Variants in MESD observed in about 807,000 individuals in gnomAD.
MESD encodes the protein mesoderm development LRP chaperone, also known as LRP chaperone MESD.
In MESD, 7 loss-of-function variants were observed where a neutral mutation model predicts 12.9. That is an observed-to-expected ratio of 0.54 (90% CI 0.31 to 1.02). The LOEUF (loss-of-function observed/expected upper bound fraction) is 1.02. Among genes scored for constraint, MESD ranks in the 50% least tolerant of loss-of-function variants. MESD has a pLI of 0.05. For synonymous variants in MESD, 126 were observed against 115.6 expected, an observed-to-expected ratio of 1.09 and a Z score of -0.58; for missense variants, 342 against 296.7, an observed-to-expected ratio of 1.15 and a Z score of -1.12.
chr15:80,979,377 C>A lies in MESD; in HGVS notation c.547G>T (p.Val183Leu). The change falls in exon 3 of 3, where the codon GTA becomes TTA. Residue 183 changes from valine (V) to leucine (L), a missense_variant. Coordinates refer to ENST00000261758, the MANE Select transcript of MESD (RefSeq NM_015154.3). ...FLVGQDRCAD[V>L]TLEGQVYPGK... ...GGGTACACCTGGCCCTCCAGAGTTA[C>A]ATCAGCACACCTGTCTTGACCGACC... 1 of 1,614,194 alleles carries A rather than the reference C, an allele frequency of 6.2e-7. No individual in the cohort carries two copies. Among genetic ancestry groups the A allele is most frequent in the Non-Finnish European group, 8.5e-7 (1 of 1,180,038 alleles).
intron 3 of MESD, among the ~76,000 whole-genome samples, chr15:80,965,368 G>C (rs1352067780): frequency 6.6e-6 from 1 of 152,220 alleles, no homozygotes; most frequent in Non-Finnish European, 1.5e-5. Flanking sequence ...GTGTAAATTA[G>C]TTCAACTATT....
At chr15:80,965,276 G>A (rs1030537564) in intron 3 of MESD, among the ~76,000 whole-genome samples, 1 of 152,218 alleles carries the variant, frequency 6.6e-6, no homozygotes, top group African/African-American at 2.4e-5. Context: ...ACACCAGTTA[G>A]AATGGCGATT....
chr15:80,987,527 C>T (rs572681350), intron 1 of MESD, among the ~76,000 whole-genome samples: 1 of 150,572 alleles, frequency 6.6e-6, no homozygotes, highest in East Asian at 2.0e-4. Context: ...CTCACCCTGT[C>T]GCCCAGGCTG....
chr15:80,983,454 G>A (rs1245772635), intron 1 of MESD, among the ~76,000 whole-genome samples: 1 of 152,064 alleles, frequency 6.6e-6, no homozygotes, highest in Non-Finnish European at 1.5e-5. Context: ...ACATATTGAG[G>A]GTAATGAGAG....
rs759545458 is a variant in MESD at position 80,982,026 on chromosome 15, G to T, written c.370C>A (p.Pro124Thr). 1.2e-6 allele frequency: 2 copies of T among 1,614,070 alleles called. No individual in the cohort carries two copies. Among genetic ancestry groups the T allele is most frequent in the Admixed American group, 3.3e-5 (2 of 60,014 alleles). The change falls in exon 2 of 3, where the codon CCT (proline) becomes ACT (threonine). Residue 124 changes from proline to threonine, a missense_variant. Coordinates refer to ENST00000261758, the MANE Select transcript of MESD (RefSeq NM_015154.3). ...ATTTCCTCTGTCTCCTTCTCAGTAG[G>T]GCTTCCTGATACAGTGACAAACATC... ...LMMFVTVSGS[P>T]TEKETEEITS... is the part of the protein sequence containing the mutation.
chr15:80,957,600 A>G (rs1263502721), intron 3 of MESD, among the ~76,000 whole-genome samples: 1 of 124,302 alleles, frequency 8.0e-6, no homozygotes, highest in East Asian at 2.2e-4. Context: ...CCACTGCAAA[A>G]CACACACACA....
chr15:80,953,309 A>T (rs1374896001), intron 3 of MESD, among the ~76,000 whole-genome samples: 2 of 152,166 alleles, frequency 1.3e-5, no homozygotes, highest in African/African-American at 4.8e-5. Context: ...AGGTGCATAG[A>T]AGAGGCATCC....
downstream of MESD, among the ~76,000 whole-genome samples, chr15:80,975,547 T>A (rs1226640922): frequency 1.3e-5 from 2 of 151,858 alleles, no homozygotes; most frequent in Non-Finnish European, 2.9e-5. Context: ...TAAACAATAA[T>A]CAGGGACACA....
chr15:80,986,273 G>A (rs930917968), intron 1 of MESD, among the ~76,000 whole-genome samples: 2 of 152,202 alleles, frequency 1.3e-5, no homozygotes, highest in African/African-American at 4.8e-5. Context: ...AAGTGGAGGG[G>A]AGATAGGGAG....
At chr15:80,966,430 C>T (rs1902176311) in intron 3 of MESD, among the ~76,000 whole-genome samples, 1 of 152,174 alleles carries the variant, frequency 6.6e-6, no homozygotes, top group African/African-American at 2.4e-5. Flanking sequence ...TAACAAACTA[C>T]TCATTTGCAG....
chr15:80,986,982 G>A (rs368999728), intron 1 of MESD, among the ~76,000 whole-genome samples: 91 of 152,298 alleles, frequency 6.0e-4, no homozygotes, highest in African/African-American at 2.0e-3. Context: ...GTTCAGAGAG[G>A]ATAAATGATT....
At chr15:80,961,278 A>G (rs1437832831) in intron 3 of MESD, among the ~76,000 whole-genome samples, 2 of 143,682 alleles carry the variant, frequency 1.4e-5, no homozygotes, top group Admixed American at 1.4e-4. Flanking sequence ...GAACAAAAAG[A>G]AAAAAAAAAA....
At chr15:80,974,061 T>TCC (rs111416993), downstream of MESD, among the ~76,000 whole-genome samples, 28 of 149,618 alleles carry the variant, frequency 1.9e-4, no homozygotes, top group African/African-American at 6.8e-4. Flanking sequence ...CAATTATGGT[T>TCC]CCCCCCCCCA....
chr15:80,954,426 G>C (rs1453587010), intron 3 of MESD, among the ~76,000 whole-genome samples: 1 of 152,204 alleles, frequency 6.6e-6, no homozygotes, highest in African/African-American at 2.4e-5. Context: ...CCCCATCCTA[G>C]CTGTTTTAGC....
downstream of MESD, among the ~76,000 whole-genome samples, chr15:80,973,914 C>A (rs1405481566): frequency 6.6e-6 from 1 of 152,194 alleles, no homozygotes; most frequent in African/African-American, 2.4e-5. Flanking sequence ...GACCTTTCTT[C>A]TCCGGAGATC....
chr15:80,966,007 C>T (rs966337322), intron 3 of MESD, among the ~76,000 whole-genome samples: 3 of 152,040 alleles, frequency 2.0e-5, no homozygotes, highest in Non-Finnish European at 4.4e-5. Flanking sequence ...ATAGCCTCCT[C>T]CCCAAAATAA....
intron 1 of MESD, among the ~76,000 whole-genome samples, chr15:80,984,914 C>T (rs1049123301): frequency 2.6e-5 from 4 of 152,178 alleles, no homozygotes; most frequent in African/African-American, 7.2e-5. Flanking sequence ...CTACGCAGTG[C>T]TTGAAGGTGA....
At chr15:80,949,072 A>G (rs1901699333) in intron 4 of MESD, 10 of 1,074,836 alleles carry the variant, frequency 9.3e-6, no homozygotes, top group Non-Finnish European at 1.3e-5. Context: ...AGGGAAGGCT[A>G]TCAGAGACCC....
intron 1 of MESD, among the ~76,000 whole-genome samples, chr15:80,988,576 A>C (rs1201804911): frequency 6.6e-6 from 1 of 152,206 alleles, no homozygotes; most frequent in Non-Finnish European, 1.5e-5. Flanking sequence ...TCAGCTGTTG[A>C]TGACCACATG....
Sources: allele counts gnomAD v4.1 joint callset (sites outside exome capture counted in the v4.1 genomes callset), GRCh38; gene constraint gnomAD v4.1.1; transcripts MANE v1.5; gene names NCBI Gene and HGNC (gene_info 2026-07-23, HGNC 2026-07-21).